Variants in OPCML observed in about 807,000 individuals in gnomAD.
OPCML encodes the protein opioid binding protein/cell adhesion molecule like, also known as opioid-binding protein/cell adhesion molecule.
Under a neutral mutation model 37.8 loss-of-function variants are expected in OPCML, and 13 were observed. That is an observed-to-expected ratio of 0.34 (90% confidence interval 0.22 to 0.55). OPCML has a LOEUF of 0.55. OPCML is among the 20% of genes least tolerant of loss of function. The pLI, the probability that OPCML is intolerant of heterozygous loss-of-function variation, is 0.91. For missense variants in OPCML, 341 were observed against 435.6 expected, an observed-to-expected ratio of 0.78 and a Z score of 1.93; for synonymous variants, 176 against 168.8, an observed-to-expected ratio of 1.04 and a Z score of -0.33.
At chr11:133,127,389 C>A (rs1949532999) in intron 1 of OPCML, among the ~76,000 whole-genome samples, 1 of 152,056 alleles carries the variant, frequency 6.6e-6, no homozygotes, top group Admixed American at 6.6e-5. Flanking sequence ...CTCCCAGCTA[C>A]TCGGGAGGCT....
intron 1 of OPCML, among the ~76,000 whole-genome samples, chr11:133,280,309 T>C (rs1248356430): frequency 6.6e-6 from 1 of 152,188 alleles, no homozygotes; most frequent in African/African-American, 2.4e-5. Context: ...TGTGGCAGTG[T>C]GAGAATACAA....
chr11:133,491,987 A>G (rs1947673849), intron 1 of OPCML, among the ~76,000 whole-genome samples: 6 of 152,194 alleles, frequency 3.9e-5, no homozygotes, highest in Admixed American at 3.9e-4. Context: ...TGGGGTAGGC[A>G]GGAGAGGAGA....
intron 1 of OPCML, among the ~76,000 whole-genome samples, chr11:133,207,119 TAA>T (rs71038525): frequency 0.028 from 2,815 of 99,648 alleles, 25 homozygotes; most frequent in Non-Finnish European, 0.029. Context: ...AACCCTCTAC[TAA>T]AAAAAAAAAA....
chr11:133,241,972 C>G (rs1940749022), intron 1 of OPCML, among the ~76,000 whole-genome samples: 1 of 152,252 alleles, frequency 6.6e-6, no homozygotes, highest in Non-Finnish European at 1.5e-5. Context: ...CATCTACCAA[C>G]ATCTTTTTCT....
At chr11:133,320,648 C>T (rs1315339725) in intron 1 of OPCML, among the ~76,000 whole-genome samples, 1 of 152,148 alleles carries the variant, frequency 6.6e-6, no homozygotes, top group Non-Finnish European at 1.5e-5. Flanking sequence ...TTAAAGTATG[C>T]ATTTTATAAT....
chr11:132,963,493 G>A lies in OPCML; in HGVS notation c.62-20483C>T, dbSNP rs181781069. Among the ~76,000 whole-genome samples, 404 of 151,868 alleles carry A rather than the reference G, an allele frequency of 2.7e-3. 4 individuals are homozygous for A. Among genetic ancestry groups the A allele is most frequent in the African/African-American group, 9.2e-3 (383 of 41,406 alleles). On this transcript the variant is annotated intron_variant, in intron 1 of 7. Coordinates refer to ENST00000524381, the MANE Select transcript of OPCML (RefSeq NM_001012393.5). ...TGTAATCCCAGCTACTCAGGAGGCT[G>A]AGGCAGGAGAATCGCTTGAACCCAG...
chr11:132,456,016 TG>T, intron 4 of OPCML, among the ~76,000 whole-genome samples: 1 of 152,280 alleles, frequency 6.6e-6, no homozygotes, highest in African/African-American at 2.4e-5. Flanking sequence ...ATTTTGGGGT[TG>T]GGGTAGAGGG....
chr11:133,309,110 T>C (rs1943006076), intron 1 of OPCML, among the ~76,000 whole-genome samples: 1 of 152,144 alleles, frequency 6.6e-6, no homozygotes, highest in Non-Finnish European at 1.5e-5. Context: ...GAACCACTGA[T>C]GAATACTCAA....
chr11:132,717,796 AAC>A (rs1163739925), intron 2 of OPCML, among the ~76,000 whole-genome samples: 9 of 152,192 alleles, frequency 5.9e-5, no homozygotes, highest in Non-Finnish European at 1.3e-4. Context: ...CTATGAGGGA[AAC>A]ACAGTTTTAA....
chr11:132,746,504 G>A (rs886382762), intron 2 of OPCML, among the ~76,000 whole-genome samples: 2 of 152,050 alleles, frequency 1.3e-5, no homozygotes, highest in Admixed American at 6.5e-5. Flanking sequence ...GGGTCACTCA[G>A]CATCTCAGAG....
rs191865242 is a variant in OPCML at position 132,655,977 on chromosome 11, T to A, written c.379+1110A>T. Reference sequence around the variant, plus strand: ...AAAATTCTGTTGGATCTATGACAGATGGGATCTGATAAAAGGCAGATGCTA... The same window carrying A: ...AAAATTCTGTTGGATCTATGACAGAAGGGATCTGATAAAAGGCAGATGCTA... On this transcript the variant is annotated intron_variant, in intron 3 of 7. Transcript: ENST00000524381. Among the ~76,000 whole-genome samples the A allele has an allele frequency of 6.3e-4, 95 of 150,126 alleles. 3 individuals are homozygous for A. The South Asian group carries it at 0.019, about 30-fold the overall frequency.
chr11:132,724,557 C>T lies in OPCML; in HGVS notation c.147-67238G>A, dbSNP rs114532008. The stretch of plus-strand genomic sequence containing the variant: ...TATTATTCCACCCCTGTCCTCCCCC[C>T]GCACCCCACAAATCTCATGTCTTCA... On this transcript the variant is annotated intron_variant, in intron 2 of 7. Transcript: ENST00000524381. Among the ~76,000 whole-genome samples the T allele has an allele frequency of 2.8e-3, 426 of 152,134 alleles. 2 individuals are homozygous for T. Among genetic ancestry groups the T allele is most frequent in the African/African-American group, 9.8e-3 (407 of 41,518 alleles).
chr11:133,481,444 A>AAATAAATAAATAAAT (rs57311169), intron 1 of OPCML, among the ~76,000 whole-genome samples: 115 of 150,212 alleles, frequency 7.7e-4, no homozygotes, highest in South Asian at 3.2e-3. Flanking sequence ...CCCAGTTAAA[A>AAATAAATAAATAAAT]AAATAAATAA....
In OPCML at chr11:133,018,265, T is replaced by C. The variant is rs115046872; in HGVS notation, c.62-75255A>G. Among the ~76,000 whole-genome samples the C allele has an allele frequency of 1.8e-3, 270 of 152,338 alleles. 1 individual carries two copies. Among genetic ancestry groups the C allele is most frequent in the African/African-American group, 6.0e-3 (251 of 41,572 alleles). ...GCCCCCTATTAAAATGTACATTGAATAGAGAAACTTCTGGGGCCAAAAATG... is the reference window on the plus strand; with the variant it reads ...GCCCCCTATTAAAATGTACATTGAACAGAGAAACTTCTGGGGCCAAAAATG... On this transcript the variant is annotated intron_variant, in intron 1 of 7. Transcript: ENST00000524381.
intron 1 of OPCML, among the ~76,000 whole-genome samples, chr11:133,196,688 G>A (rs1938547776): frequency 6.6e-6 from 1 of 152,120 alleles, no homozygotes; most frequent in Non-Finnish European, 1.5e-5. Flanking sequence ...TTGTGAGGAG[G>A]GTGAGGGACA....
chr11:132,673,398 T>G (rs1038734644), intron 2 of OPCML, among the ~76,000 whole-genome samples: 1 of 152,084 alleles, frequency 6.6e-6, no homozygotes, highest in African/African-American at 2.4e-5. Context: ...GGAAAGTGTC[T>G]CTATGACTGT....
intron 1 of OPCML, among the ~76,000 whole-genome samples, chr11:133,382,388 G>A (rs903633198): frequency 2.0e-5 from 3 of 152,172 alleles, no homozygotes; most frequent in Admixed American, 1.3e-4. Context: ...ATTCGTGAGC[G>A]ATTGGAGAAG....
intron 1 of OPCML, among the ~76,000 whole-genome samples, chr11:133,354,817 T>C (rs995594149): frequency 1.3e-5 from 2 of 152,318 alleles, no homozygotes; most frequent in East Asian, 3.9e-4. Flanking sequence ...GTTCAAGAAA[T>C]TGGCTTTTCA....
intron 1 of OPCML, among the ~76,000 whole-genome samples, chr11:133,447,638 T>C (rs1023384828): frequency 3.3e-5 from 5 of 152,246 alleles, no homozygotes; most frequent in Non-Finnish European, 5.9e-5. Flanking sequence ...TTTCTGTTCC[T>C]GCACTGATTC....
Sources: gnomAD v4.1 joint callset for allele counts (sites outside exome capture counted in the v4.1 genomes callset) on GRCh38, gnomAD v4.1.1 for gene constraint, MANE v1.5 for transcripts, NCBI Gene and HGNC (gene_info 2026-07-23, HGNC 2026-07-21) for gene names.